The following SORCS2 variants were observed in gnomAD, a reference collection of about 807,000 sequenced individuals.
SORCS2 encodes sortilin related VPS10 domain containing receptor 2.
SORCS2 carries 100 observed loss-of-function variants against 141.6 expected under a neutral mutation model. That is an observed-to-expected ratio of 0.71 (90% CI 0.60 to 0.83). The LOEUF (loss-of-function observed/expected upper bound fraction) is 0.83, where lower values mean the gene tolerates loss of function less well. SORCS2 is among the 40% of genes least tolerant of loss of function. SORCS2 has a pLI of 0.00. For missense variants in SORCS2, 1,646 were observed against 1,560.2 expected (o/e 1.05, Z -0.93); for synonymous variants, 789 against 676.9 (o/e 1.17, Z -2.57).
intron 1 of SORCS2, among the ~76,000 whole-genome samples, chr4:7,387,997 C>T (rs1217988255): frequency 6.6e-6 from 1 of 151,492 alleles, no homozygotes; most frequent in South Asian, 2.1e-4. Flanking sequence ...CACACATGCA[C>T]ACACATGCAC....
intron 3 of SORCS2, among the ~76,000 whole-genome samples, chr4:7,606,667 C>G (rs1348143836): frequency 3.3e-5 from 5 of 151,974 alleles, no homozygotes; most frequent in Admixed American, 1.3e-4. Context: ...ATCCTGTGCT[C>G]TTGGGCATAT....
intron 2 of SORCS2, among the ~76,000 whole-genome samples, chr4:7,438,322 C>T (rs1448833879): frequency 1.3e-5 from 2 of 152,178 alleles, no homozygotes; most frequent in Non-Finnish European, 2.9e-5. Context: ...TTGACCAGAC[C>T]CAGGTCATGC....
chr4:7,252,471 G>A (rs1276806656), intron 1 of SORCS2, among the ~76,000 whole-genome samples: 2 of 152,210 alleles, frequency 1.3e-5, no homozygotes, highest in Admixed American at 6.5e-5. Context: ...TTTTTGGAAT[G>A]TTCCTATGAT....
In SORCS2 at chr4:7,352,335, G is replaced by T. The variant is rs117234230; in HGVS notation, c.481-43953G>T. ...TGAATGAATGAGTGAATGAGGCAAT[G>T]ACCTAGTCCAGTCATTCAGTTTTAC... On this transcript the variant is annotated intron_variant, in intron 1 of 26. Transcript: ENST00000507866. Among the ~76,000 whole-genome samples the T allele has an allele frequency of 2.1e-3, 319 of 152,334 alleles. 3 individuals are homozygous for T. The East Asian group carries it at 0.023, about 11-fold the overall frequency.
At chr4:7,375,568 C>A (rs1722586280) in intron 1 of SORCS2, among the ~76,000 whole-genome samples, 1 of 152,190 alleles carries the variant, frequency 6.6e-6, no homozygotes, top group Non-Finnish European at 1.5e-5. Context: ...GGATGAGATG[C>A]CAGATTGCAC....
In SORCS2 at chr4:7,201,852, G is replaced by A. The variant is rs187342742; in HGVS notation, c.480+8726G>A. 1.3e-3 allele frequency among the ~76,000 whole-genome samples: 204 copies of A among 152,274 alleles called. No homozygotes were observed. Among genetic ancestry groups the A allele is most frequent in the African/African-American group, 4.6e-3 (191 of 41,556 alleles). ...TGTGCTGCAGCTGCTGTTCCTGACCGACGTCCTCCCCTTTTGGAAGTCCAG... is the reference window on the plus strand; with the variant it reads ...TGTGCTGCAGCTGCTGTTCCTGACCAACGTCCTCCCCTTTTGGAAGTCCAG... On this transcript the variant is annotated intron_variant, in intron 1 of 26. Transcript: ENST00000507866. This position sits in a 1 kb window ranked among gnomAD's most constrained non-coding sequence, Gnocchi z 4.4.
At chr4:7,322,609 G>A (rs879779456) in intron 1 of SORCS2, among the ~76,000 whole-genome samples, 3 of 152,156 alleles carry the variant, frequency 2.0e-5, no homozygotes, top group African/African-American at 4.8e-5. Context: ...GAGGAGGGGC[G>A]CAGACACCCT....
rs1438019899 is a variant in SORCS2 at position 7,314,815 on chromosome 4, T to G, written c.481-81473T>G. 4.1e-4 allele frequency among the ~76,000 whole-genome samples: 33 copies of G among 79,866 alleles called. No individual in the cohort carries two copies. The South Asian group carries it at 7.1e-3, about 17-fold the overall frequency. The allele number at this position is 79,866 out of a possible 152,430, so 52.4% of individuals were successfully genotyped here. A position where few individuals can be genotyped will look rare whatever the true frequency, so the allele number is the denominator to read the frequency against. ...CCACTGTTCTGTTTTTTTTTTTTTTTTTTTTTTTTTTTTTATTGTTGTTGT... is the reference window on the plus strand; with the variant it reads ...CCACTGTTCTGTTTTTTTTTTTTTTGTTTTTTTTTTTTTTATTGTTGTTGT... On this transcript the variant is annotated intron_variant, in intron 1 of 26. Transcript: ENST00000507866.
At chr4:7,525,099 C>A (rs571569483) in intron 2 of SORCS2, among the ~76,000 whole-genome samples, 1 of 152,196 alleles carries the variant, frequency 6.6e-6, no homozygotes, top group Non-Finnish European at 1.5e-5. Flanking sequence ...AAATCTTCAT[C>A]ATTAGATATC....
chr4:7,566,936 A>G (rs1715060342), intron 3 of SORCS2, among the ~76,000 whole-genome samples: 1 of 151,960 alleles, frequency 6.6e-6, no homozygotes, highest in Non-Finnish European at 1.5e-5. Context: ...GGCCTGGCTT[A>G]CCTTAGTGGA....
chr4:7,572,010 G>A (rs908721044), intron 3 of SORCS2, among the ~76,000 whole-genome samples: 4 of 152,154 alleles, frequency 2.6e-5, no homozygotes, highest in African/African-American at 7.2e-5. Context: ...GAACCTGACA[G>A]TCTGTGCTTT....
chr4:7,712,971 G>C (rs529793321), intron 15 of SORCS2, 118 bp downstream of exon 15: 1 of 1,422,180 alleles, frequency 7.0e-7, no homozygotes, highest in African/African-American at 1.4e-5. Context: ...CCTCCAAGAA[G>C]TCTTCAGGGA....
At chr4:7,531,113 G>C (rs1184907492) in intron 2 of SORCS2, among the ~76,000 whole-genome samples, 1 of 152,240 alleles carries the variant, frequency 6.6e-6, no homozygotes, top group East Asian at 1.9e-4. Flanking sequence ...AGACGGGCCA[G>C]TCAAATCCTG....
chr4:7,510,901 C>A (rs189201668), intron 2 of SORCS2, among the ~76,000 whole-genome samples: 1 of 152,216 alleles, frequency 6.6e-6, no homozygotes, highest in East Asian at 1.9e-4. Flanking sequence ...TTCCTCCTTT[C>A]TAACATCTGA....
intron 3 of SORCS2, among the ~76,000 whole-genome samples, chr4:7,592,455 T>C (rs1406769880): frequency 6.6e-6 from 1 of 152,148 alleles, no homozygotes; most frequent in African/African-American, 2.4e-5. Flanking sequence ...GCTCCCTTCT[T>C]TCTGGCTATC....
chr4:7,678,506 A>G (rs1723309331), intron 9 of SORCS2, among the ~76,000 whole-genome samples: 2 of 130,268 alleles, frequency 1.5e-5, no homozygotes, highest in South Asian at 5.0e-4. Context: ...GGGTTTCTTA[A>G]CCTCTCTGTG....
intron 1 of SORCS2, among the ~76,000 whole-genome samples, chr4:7,252,343 A>T (rs1577323396): frequency 6.6e-6 from 1 of 152,028 alleles, no homozygotes; most frequent in Admixed American, 6.6e-5. Context: ...TGTGGGCAGG[A>T]TGGGCCCGGG....
chr4:7,251,750 C>T (rs555966711), intron 1 of SORCS2, among the ~76,000 whole-genome samples: 73 of 152,034 alleles, frequency 4.8e-4, no homozygotes, highest in Non-Finnish European at 7.4e-4. Context: ...TTTTAAAAAG[C>T]GATCCCAGAA....
chr4:7,472,053 G>A (rs71601842), intron 2 of SORCS2, among the ~76,000 whole-genome samples: 165 of 152,326 alleles, frequency 1.1e-3, no homozygotes, highest in Non-Finnish European at 1.9e-3. Context: ...TCTATGCCTC[G>A]GGGATGAGTG....
Sources: allele counts gnomAD v4.1 joint callset (sites outside exome capture counted in the v4.1 genomes callset), GRCh38; gene constraint gnomAD v4.1.1; non-coding constraint Gnocchi (gnomAD v3.1); transcripts MANE v1.5; gene names NCBI Gene and HGNC (gene_info 2026-07-23, HGNC 2026-07-21).